ACCSL: variants seen among roughly 807,000 people sequenced by gnomAD.
The protein encoded by ACCSL is probable inactive 1-aminocyclopropane-1-carboxylate synthase-like protein 2.
In ACCSL, 55 loss-of-function variants were observed where a neutral mutation model predicts 61.7. The ratio of observed to expected loss-of-function variants is 0.89; its 90% CI spans 0.72 to 1.12. The LOEUF (loss-of-function observed/expected upper bound fraction) is 1.12. ACCSL is among the 50% of genes most tolerant of loss of function. ACCSL has a pLI of 0.00. For missense variants in ACCSL, 632 were observed against 698.0 expected (o/e 0.91, Z 1.07); for synonymous variants, 258 against 264.3 (o/e 0.98, Z 0.23).
At chr11:43,975,592 G>A in the ACCSL span, among the ~76,000 whole-genome samples, 1 of 152,186 alleles carries the variant, frequency 6.6e-6, no homozygotes, top group Non-Finnish European at 1.5e-5. Context: ...TCAGATTTGT[G>A]TGTGTGACTT....
chr11:44,001,768 A>G, the ACCSL span, among the ~76,000 whole-genome samples: 1 of 110,288 alleles, frequency 9.1e-6, no homozygotes, highest in African/African-American at 3.5e-5. Context: ...AAGTGGAGGT[A>G]AAGGGGCTGT....
chr11:44,000,725 AAAAGAAAG>A, the ACCSL span, among the ~76,000 whole-genome samples: 12 of 146,816 alleles, frequency 8.2e-5, no homozygotes, highest in African/African-American at 2.8e-4. Context: ...TCTGCCTCAA[AAAAGAAAG>A]AAAGAAAGAA....
At chr11:44,040,952 G>A in the ACCSL span, among the ~76,000 whole-genome samples, 2 of 152,186 alleles carry the variant, frequency 1.3e-5, no homozygotes, top group Non-Finnish European at 1.5e-5. Context: ...CGTCCTACTC[G>A]TACCATCTTG....
At chr11:44,052,908 G>A (rs1195007574) in intron 6 of ACCSL, 83 bp from the exon 7 acceptor site, 1 of 1,497,416 alleles carries the variant, frequency 6.7e-7, no homozygotes, top group Non-Finnish European at 9.3e-7. Context: ...TGGTATGAAG[G>A]CAAAGGATTG....
At chr11:43,968,339 C>T in the ACCSL span, among the ~76,000 whole-genome samples, 310 of 151,882 alleles carry the variant, frequency 2.0e-3, no homozygotes, top group African/African-American at 7.1e-3. Context: ...CCCCTACCCA[C>T]GACCCCACAC....
chr11:43,987,085 C>T, the ACCSL span, among the ~76,000 whole-genome samples: 1 of 151,006 alleles, frequency 6.6e-6, no homozygotes, highest in African/African-American at 2.4e-5. Context: ...CTGCCCCCCA[C>T]CCCCGAGTCT....
At chr11:44,003,205 C>T in the ACCSL span, among the ~76,000 whole-genome samples, 1 of 152,114 alleles carries the variant, frequency 6.6e-6, no homozygotes, top group South Asian at 2.1e-4. Context: ...CAAGTATAAG[C>T]CAAAGCAGGT....
rs906436219 is a variant in ACCSL at position 44,052,583 on chromosome 11, T to G, written c.773-79T>G. On this transcript the variant is annotated intron_variant, in intron 5 of 13. Transcript: ENST00000378832. ...AACTGACTTTTTTTCTGTCGATAGC[T>G]TTGCTAGTTTGGGGAGCCTGGCAAC... The G allele has an allele frequency of 1.9e-5, 23 of 1,240,388 alleles. No individual in the cohort carries two copies. The Admixed American group carries it at 3.2e-4, about 17-fold the overall frequency. The allele number at this position is 1,240,388 out of a possible 1,614,324, so 76.8% of individuals were successfully genotyped here.
At chr11:43,958,128 G>A in the ACCSL span, among the ~76,000 whole-genome samples, 1 of 152,148 alleles carries the variant, frequency 6.6e-6, no homozygotes, top group Non-Finnish European at 1.5e-5. Context: ...CAAATGAAAG[G>A]CCACCAGCCA....
intron 11 of ACCSL, among the ~76,000 whole-genome samples, chr11:44,057,869 A>G (rs1952681143): frequency 6.6e-6 from 1 of 152,200 alleles, no homozygotes; most frequent in Admixed American, 6.5e-5. Context: ...CAAACATACT[A>G]GAGTTAGTCT....
the ACCSL span, among the ~76,000 whole-genome samples, chr11:44,010,039 A>G: frequency 3.3e-5 from 5 of 152,092 alleles, no homozygotes; most frequent in Non-Finnish European, 7.4e-5. Context: ...TCTAAATGAG[A>G]GATAAAAACG....
At chr11:44,040,901 G>A in the ACCSL span, among the ~76,000 whole-genome samples, 1 of 152,166 alleles carries the variant, frequency 6.6e-6, no homozygotes, top group Admixed American at 6.5e-5. Context: ...GGGCAATGGG[G>A]CCTGAGGTTG....
the ACCSL span, among the ~76,000 whole-genome samples, chr11:43,961,937 C>T: frequency 6.6e-6 from 1 of 152,346 alleles, no homozygotes; most frequent in African/African-American, 2.4e-5. Context: ...AACTCTGTAA[C>T]AGGGCCTTTG....
the ACCSL span, among the ~76,000 whole-genome samples, chr11:44,021,194 T>C: frequency 6.6e-6 from 1 of 152,204 alleles, no homozygotes; most frequent in Non-Finnish European, 1.5e-5. Context: ...GGAATCTCCA[T>C]ACTGTTTCCC....
chr11:44,050,840 C>CTTTTT (rs66464203), intron 3 of ACCSL, among the ~76,000 whole-genome samples: 1 of 126,766 alleles, frequency 7.9e-6, no homozygotes, highest in African/African-American at 3.0e-5. Flanking sequence ...GGCCTGAGTT[C>CTTTTT]TTTTTTTTTT....
Position 44,050,566 on chromosome 11 carries a change from C to T in ACCSL, c.579C>T (p.Asp193=), listed in dbSNP as rs1460159071. The change falls in exon 3 of 14, where the codon GAC becomes GAT. Residue 193 remains aspartate (D), a synonymous_variant. Coordinates refer to ENST00000378832, the MANE Select transcript of ACCSL (RefSeq NM_001031854.2). ...TTTGTCAACAGTTGCAAGAAAGTGA[C>T]ATGAACTGCATTGAGGACACCTTGC... is the stretch of plus-strand genomic sequence containing the variant. ...DLMTERLQES[D]MNCIEDTLLQ... 2 of 1,613,926 alleles carry T rather than the reference C, an allele frequency of 1.2e-6. No homozygotes were observed. The highest frequency in any genetic ancestry group is 3.3e-5 in the Admixed American group (2 of 59,982).
the ACCSL span, among the ~76,000 whole-genome samples, chr11:43,986,504 C>T: frequency 6.6e-6 from 1 of 152,178 alleles, no homozygotes; most frequent in Non-Finnish European, 1.5e-5. Flanking sequence ...CCTCCCTCTG[C>T]CCCCTCAGGG....
the ACCSL span, among the ~76,000 whole-genome samples, chr11:43,991,639 CA>C: frequency 2.0e-5 from 3 of 152,124 alleles, no homozygotes; most frequent in Non-Finnish European, 1.5e-5. Context: ...GCTAAAAATA[CA>C]AAAATTAGCC....
the ACCSL span, among the ~76,000 whole-genome samples, chr11:43,986,284 G>A: frequency 1.3e-5 from 2 of 151,830 alleles, no homozygotes; most frequent in African/African-American, 4.8e-5. Flanking sequence ...TCTCCCTGCT[G>A]TCTTTTTCTC....
Sources: allele counts gnomAD v4.1 joint callset (sites outside exome capture counted in the v4.1 genomes callset), GRCh38; gene constraint gnomAD v4.1.1; transcripts MANE v1.5; gene names NCBI Gene and HGNC (gene_info 2026-07-23, HGNC 2026-07-21).